MARK4: variants seen among roughly 807,000 people sequenced by gnomAD.
The protein encoded by MARK4 is microtubule affinity regulating kinase 4.
MARK4 carries 19 observed loss-of-function variants against 81.5 expected under a neutral mutation model. The ratio of observed to expected loss-of-function variants is 0.23; its 90% CI spans 0.16 to 0.34. The LOEUF is 0.34. Ranked by LOEUF, MARK4 falls within the 10% of genes least tolerant of loss-of-function variation. The pLI is 1.00. For synonymous variants in MARK4, 436 were observed against 439.0 expected (o/e 0.99, Z 0.08); for missense variants, 772 against 1,058.8 (o/e 0.73, Z 3.76).
Position 45,302,675 on chromosome 19 carries a change from C to T in MARK4, c.2224C>T (p.Leu742Phe), listed in dbSNP as rs781635730. Residue 742 changes from leucine to phenylalanine, a missense_variant, in exon 17 of 17, where the codon CTC (leucine) becomes TTC (phenylalanine). Physicochemically the swap from Leu to Phe is conservative, Grantham distance 22. Around this residue, in one of 3 missense-constraint regions of MARK4, gnomAD observed 548 missense variants for 624.3 expected, o/e 0.88. Transcript: ENST00000262891. The surrounding 1 kb of genome is among the most constrained non-coding windows in gnomAD (Gnocchi z 4.9). ...GGGCACCGCCCTGGCCTTCCGCACC[C>T]TCGTCACCCGCATCTCCAACGACCT... ...VAGTALAFRT[L>F]VTRISNDLEL 1 of 1,537,100 alleles carries T rather than the reference C, an allele frequency of 6.5e-7. No individual in the cohort carries two copies. The highest frequency in any genetic ancestry group is 1.2e-5 in the South Asian group (1 of 84,610).
intron 4 of MARK4, among the ~76,000 whole-genome samples, 185 bp from the exon 5 acceptor site, chr19:45,264,499 A>G (rs1446567458): frequency 2.0e-5 from 3 of 151,862 alleles, no homozygotes; most frequent in Non-Finnish European, 4.4e-5. Context: ...TCAAAAAAAA[A>G]AAACGAAAGT....
At chr19:45,272,200 C>T (rs977741670) in intron 8 of MARK4, among the ~76,000 whole-genome samples, 6 of 152,124 alleles carry the variant, frequency 3.9e-5, no homozygotes, top group African/African-American at 1.2e-4. Flanking sequence ...GGCATAATGG[C>T]GCACGCCTGT....
intron 12 of MARK4, among the ~76,000 whole-genome samples, chr19:45,282,403 C>A (rs1970687501): frequency 6.6e-6 from 1 of 151,988 alleles, no homozygotes; most frequent in Admixed American, 6.6e-5. Flanking sequence ...TTAAAGTGCA[C>A]AATTCAGGCC....
chr19:45,256,525 C>T (rs984898317), intron 1 of MARK4, among the ~76,000 whole-genome samples: 2 of 152,146 alleles, frequency 1.3e-5, no homozygotes, highest in African/African-American at 4.8e-5. Context: ...GGGCATTCCA[C>T]TGGGAATCAA....
At position 45,298,765 on chromosome 19, in the gene MARK4, G is replaced by A. The variant is rs779364657; in HGVS notation, c.1877+811G>A. ...TACTATATAGACTGCTAGGTAGTGCGAAGTAACTAAGAAGAAAAATAGAGT... is the reference window on the plus strand; with the variant it reads ...TACTATATAGACTGCTAGGTAGTGCAAAGTAACTAAGAAGAAAAATAGAGT... On this transcript the variant is annotated intron_variant, in intron 15 of 16. Transcript: ENST00000262891. Among the ~76,000 whole-genome samples the A allele has an allele frequency of 4.6e-5, 7 of 152,034 alleles. No individual in the cohort carries two copies. The East Asian group carries it at 9.6e-4, about 21-fold the overall frequency.
chr19:45,270,996 C>T (rs977028256), intron 7 of MARK4, among the ~76,000 whole-genome samples: 7 of 152,196 alleles, frequency 4.6e-5, no homozygotes, highest in African/African-American at 1.7e-4. Context: ...TCTTGAACTC[C>T]CAACCTCAGG....
Position 45,297,752 on chromosome 19 carries a change from C to T in MARK4, c.1675C>T (p.Leu559=), listed in dbSNP as rs369386445. Residue 559 remains leucine, a synonymous_variant, in exon 15 of 17, where the codon CTG becomes TTG. Transcript: ENST00000262891. ...ACCCCCATCAGGGGAGCGGAGCCGC[C>T]TGGCACGTGGTTCCACCATCCGCAG... ...LAPPSGERSR[L]ARGSTIRSTF... is the part of the protein sequence containing the mutation. 5.7e-6 allele frequency: 9 copies of T among 1,579,562 alleles called. No homozygotes were observed. The highest frequency in any genetic ancestry group is 6.0e-6 in the Non-Finnish European group (7 of 1,166,480).
chr19:45,266,390 CT>C, intron 7 of MARK4, 109 bp downstream of exon 7: 4 of 1,020,502 alleles, frequency 3.9e-6, no homozygotes, highest in African/African-American at 1.6e-5. Flanking sequence ...TCCTCCAGCC[CT>C]TTTCTCCTCC....
rs1171279570 is a variant in MARK4, at chr19:45,303,251, C to G, written c.*541C>G. 6.4e-6 allele frequency: 1 copy of G among 156,576 alleles called. No individual in the cohort carries two copies. The highest frequency in any genetic ancestry group is 1.4e-5 in the Non-Finnish European group (1 of 70,652). The allele number at this position is 156,576 out of a possible 1,614,324, so 9.7% of individuals were successfully genotyped here. A position where few individuals can be genotyped will look rare whatever the true frequency, so the allele number is the denominator to read the frequency against. On this transcript the variant is annotated 3_prime_UTR_variant, in exon 17 of 17. Coordinates refer to ENST00000262891, the MANE Select transcript of MARK4 (RefSeq NM_001199867.2). Reference sequence around the variant, plus strand: ...CACACCCTCCCCTCTGCAAAGGTCTCTTGAGGAGCTGCCGCTGTCACCTAC... The same window carrying G: ...CACACCCTCCCCTCTGCAAAGGTCTGTTGAGGAGCTGCCGCTGTCACCTAC...
intron 1 of MARK4, among the ~76,000 whole-genome samples, chr19:45,254,574 G>T (rs1970284110): frequency 6.6e-6 from 1 of 152,232 alleles, no homozygotes. Flanking sequence ...GTGACCTTGG[G>T]GGAGGGACTC....
At chr19:45,293,479 C>G (rs1267481271) in intron 13 of MARK4, among the ~76,000 whole-genome samples, 2 of 152,268 alleles carry the variant, frequency 1.3e-5, no homozygotes, top group Admixed American at 6.5e-5. Flanking sequence ...CACACTGTAT[C>G]AAAACTGACA....
chr19:45,253,882 C>G (rs1452293800), intron 1 of MARK4, among the ~76,000 whole-genome samples: 1 of 152,188 alleles, frequency 6.6e-6, no homozygotes, highest in Non-Finnish European at 1.5e-5. Flanking sequence ...CTCTCTGAGC[C>G]TTGGTTTCCT....
At chr19:45,292,134 A>G (rs1970827927) in intron 13 of MARK4, among the ~76,000 whole-genome samples, 1 of 152,140 alleles carries the variant, frequency 6.6e-6, no homozygotes, top group South Asian at 2.1e-4. Flanking sequence ...TCCTCAACAT[A>G]GGAACAGGAG....
At chr19:45,292,231 A>C (rs1347115813) in intron 13 of MARK4, among the ~76,000 whole-genome samples, 3 of 152,058 alleles carry the variant, frequency 2.0e-5, no homozygotes, top group African/African-American at 4.8e-5. Context: ...TGAGGCCAGG[A>C]GTTCGAGACC....
At chr19:45,280,286 A>G in intron 10 of MARK4, 88 bp from the exon 11 acceptor site, 1 of 1,168,528 alleles carries the variant, frequency 8.6e-7, no homozygotes, top group East Asian at 2.3e-5. Context: ...TGGGTGACAG[A>G]GTGACACCCT....
intron 2 of MARK4, among the ~76,000 whole-genome samples, chr19:45,262,622 G>C (rs1599780387): frequency 6.6e-6 from 1 of 152,328 alleles, no homozygotes; most frequent in East Asian, 1.9e-4. Flanking sequence ...AGCAGCGTCA[G>C]CCAGGCCCTG....
intron 1 of MARK4, among the ~76,000 whole-genome samples, chr19:45,258,279 C>A (rs930744471): frequency 1.3e-5 from 2 of 152,234 alleles, no homozygotes; most frequent in African/African-American, 4.8e-5. Context: ...GCCACTGCAC[C>A]TGGCCACCTG....
At chr19:45,292,210 G>A (rs1970828989) in intron 13 of MARK4, among the ~76,000 whole-genome samples, 1 of 152,070 alleles carries the variant, frequency 6.6e-6, no homozygotes, top group African/African-American at 2.4e-5. Context: ...GGCTGAGGTG[G>A]GAGGATTGCT....
rs575765166 is a variant in MARK4 at position 45,297,807 on chromosome 19, G to A, written c.1730G>A (p.Arg577Gln). 24 of 1,548,002 alleles carry A rather than the reference G, an allele frequency of 1.6e-5. No homozygotes were observed. The highest frequency in any genetic ancestry group is 6.0e-5 in the South Asian group (5 of 83,772). The change falls in exon 15 of 17, where the codon CGG becomes CAG. Residue 577 changes from arginine to glutamine, a missense_variant. Arg to Gln is a conservative substitution (Grantham distance 43, BLOSUM62 1). Transcript: ENST00000262891. ...STFHGGQVRD[R>Q]RAGGGGGGGV... Reference sequence around the variant, plus strand: ...TTCCATGGTGGCCAGGTCCGGGACCGGCGGGCAGGGGGTGGGGGTGGTGGG... The same window carrying A: ...TTCCATGGTGGCCAGGTCCGGGACCAGCGGGCAGGGGGTGGGGGTGGTGGG...
Sources: gnomAD v4.1 joint callset for allele counts (sites outside exome capture counted in the v4.1 genomes callset) on GRCh38, gnomAD v4.1.1 for gene constraint, gnomAD v4.1.1 regional missense constraint, Gnocchi (gnomAD v3.1) non-coding constraint, MANE v1.5 for transcripts, NCBI Gene and HGNC (gene_info 2026-07-23, HGNC 2026-07-21) for gene names.